The following BDKRB2 variants were observed in gnomAD, a reference collection of about 807,000 sequenced individuals.
The protein encoded by BDKRB2 is bradykinin receptor B2.
A neutral mutation model predicts 4.0 loss-of-function variants in BDKRB2; 6 were observed. The ratio of observed to expected loss-of-function variants is 1.49; its 90% CI spans 0.81 to 2.93. The LOEUF is 2.93. Among genes scored for constraint, BDKRB2 ranks in the 30% most tolerant of loss-of-function variants. The pLI, the probability that BDKRB2 is intolerant of heterozygous loss-of-function variation, is 0.00. For missense variants in BDKRB2, 478 were observed against 520.1 expected, an observed-to-expected ratio of 0.92 and a Z score of 0.79; for synonymous variants, 225 against 215.3, an observed-to-expected ratio of 1.05 and a Z score of -0.40.
intron 1 of BDKRB2, among the ~76,000 whole-genome samples, chr14:96,229,980 A>AAAG (rs1401109336): frequency 6.6e-6 from 1 of 152,038 alleles, no homozygotes; most frequent in East Asian, 1.9e-4. Flanking sequence ...TACAAAAAAA[A>AAAG]AAAATTAGCC....
chr14:96,207,173 G>T (rs908179349), intron 1 of BDKRB2, among the ~76,000 whole-genome samples: 2 of 152,110 alleles, frequency 1.3e-5, no homozygotes, highest in Non-Finnish European at 2.9e-5. Context: ...TGAAAGTAGG[G>T]GCCTTGTCTA....
At chr14:96,206,229 G>C (rs1890176745) in intron 1 of BDKRB2, among the ~76,000 whole-genome samples, 1 of 152,014 alleles carries the variant, frequency 6.6e-6, no homozygotes, top group South Asian at 2.1e-4. Flanking sequence ...TGAGAGCAGG[G>C]GACAGCCAAG....
At chr14:96,239,650 C>T in intron 2 of BDKRB2, 2 of 953,058 alleles carry the variant, frequency 2.1e-6, no homozygotes, top group Non-Finnish European at 2.5e-6. Context: ...GTCTCTGATC[C>T]CTATCACAAC....
intron 1 of BDKRB2, among the ~76,000 whole-genome samples, chr14:96,229,671 C>T (rs757309176): frequency 3.9e-5 from 6 of 152,090 alleles, no homozygotes; most frequent in South Asian, 2.1e-4. Flanking sequence ...CACCTAGAGG[C>T]GGCCACGGAG....
chr14:96,216,746 AGGAAGGAGGAGGAGGAGGAGGAAGG>A (rs1890431933), intron 1 of BDKRB2, among the ~76,000 whole-genome samples: 3 of 70,702 alleles, frequency 4.2e-5, no homozygotes, highest in African/African-American at 1.5e-4. Context: ...GAGGAGGAGG[AGGAAGGAGGAGGAGGAGGAGGAAGG>A]AGGAGGAGGA....
Position 96,240,467 on chromosome 14 carries a change from T to C in BDKRB2, c.139T>C (p.Cys47Arg). 6.6e-7 allele frequency: 1 copy of C among 1,515,748 alleles called. No homozygotes were observed. The highest frequency in any genetic ancestry group is 8.8e-7 in the Non-Finnish European group (1 of 1,134,060). The allele number at this position is 1,515,748 out of a possible 1,614,324, so 93.9% of individuals were successfully genotyped here. Reference protein sequence around the residue: ...TLNGTFAQSKCPQVEWLGWLN... With the variant: ...TLNGTFAQSKRPQVEWLGWLN... ...TAACGGGACCTTTGCCCAGAGCAAA[T>C]GCCCCCAAGTGGAGTGGCTGGGCTG... is the stretch of plus-strand genomic sequence containing the variant. Residue 47 changes from cysteine (C) to arginine (R), a missense_variant, in exon 3 of 3, where the codon TGC becomes CGC. By Grantham distance (180) the Cys-to-Arg change is radical. Coordinates refer to ENST00000554311, the MANE Select transcript of BDKRB2 (RefSeq NM_001379692.1).
intron 1 of BDKRB2, among the ~76,000 whole-genome samples, chr14:96,234,304 C>T (rs1209939977): frequency 2.0e-5 from 3 of 152,170 alleles, no homozygotes. Context: ...CTTCCCCCCT[C>T]GCGATCAGGC....
chr14:96,229,680 A>G (rs1209657040), intron 1 of BDKRB2, among the ~76,000 whole-genome samples: 2 of 152,058 alleles, frequency 1.3e-5, no homozygotes, highest in African/African-American at 4.8e-5. Context: ...GCGGCCACGG[A>G]GGGTTAGTGA....
chr14:96,227,302 G>A (rs925754293), intron 1 of BDKRB2, among the ~76,000 whole-genome samples: 1 of 152,180 alleles, frequency 6.6e-6, no homozygotes, highest in Admixed American at 6.5e-5. Context: ...AATGTACTTT[G>A]TGCTCACATT....
At chr14:96,238,724 G>A (rs2242962) in intron 2 of BDKRB2, 20 of 982,432 alleles carry the variant, frequency 2.0e-5, no homozygotes, top group South Asian at 1.4e-4. Context: ...TTCTTGTCCC[G>A]TCAAAATGCT....
chr14:96,207,593 G>A (rs78235097), intron 1 of BDKRB2, among the ~76,000 whole-genome samples: 6,004 of 152,192 alleles, frequency 0.039, 272 homozygotes, highest in Admixed American at 0.14. Context: ...GAACCCTGAT[G>A]AAAACTATGG....
intron 1 of BDKRB2, among the ~76,000 whole-genome samples, chr14:96,218,556 A>G (rs1890480473): frequency 6.6e-6 from 1 of 152,166 alleles, no homozygotes; most frequent in Non-Finnish European, 1.5e-5. Context: ...TCTGAGCTGC[A>G]TCCCAGGCCC....
chr14:96,207,249 G>C (rs1890207949), intron 1 of BDKRB2, among the ~76,000 whole-genome samples: 1 of 152,158 alleles, frequency 6.6e-6, no homozygotes, highest in Non-Finnish European at 1.5e-5. Flanking sequence ...ATCAGTGTTT[G>C]CTGAAATGCT....
At chr14:96,207,387 A>G (rs908209629) in intron 1 of BDKRB2, among the ~76,000 whole-genome samples, 1 of 151,940 alleles carries the variant, frequency 6.6e-6, no homozygotes, top group African/African-American at 2.4e-5. Context: ...TATATGTGAC[A>G]TTCTGGAAAA....
At chr14:96,225,515 A>G (rs942988189) in intron 1 of BDKRB2, among the ~76,000 whole-genome samples, 8 of 152,014 alleles carry the variant, frequency 5.3e-5, no homozygotes, top group African/African-American at 1.9e-4. Flanking sequence ...CACACTAAGC[A>G]GAGTAAAATG....
At chr14:96,229,538 AGCTGGCTGTGG>A (rs936994652) in intron 1 of BDKRB2, among the ~76,000 whole-genome samples, 9 of 152,192 alleles carry the variant, frequency 5.9e-5, no homozygotes, top group Non-Finnish European at 1.3e-4. Flanking sequence ...AGTGAAAGCC[AGCTGGCTGTGG>A]GCTGTCACCA....
chr14:96,230,374 T>C (rs565559586), intron 1 of BDKRB2, among the ~76,000 whole-genome samples: 3 of 152,254 alleles, frequency 2.0e-5, no homozygotes, highest in South Asian at 4.1e-4. Flanking sequence ...TAGTTTTAAA[T>C]GCTCTTTCAT....
intron 1 of BDKRB2, among the ~76,000 whole-genome samples, chr14:96,212,682 G>A (rs1890328590): frequency 6.6e-6 from 1 of 152,220 alleles, no homozygotes; most frequent in Non-Finnish European, 1.5e-5. Context: ...GGGCACAGCA[G>A]TGCAGTCTTC....
chr14:96,229,295 GA>G (rs1284342227), intron 1 of BDKRB2, among the ~76,000 whole-genome samples: 2 of 152,132 alleles, frequency 1.3e-5, no homozygotes, highest in African/African-American at 2.4e-5. Context: ...CAGAGAAACA[GA>G]ACCAATAGGA....
Sources: allele counts gnomAD v4.1 joint callset (sites outside exome capture counted in the v4.1 genomes callset), GRCh38; gene constraint gnomAD v4.1.1; transcripts MANE v1.5; gene names NCBI Gene and HGNC (gene_info 2026-07-23, HGNC 2026-07-21).